The following SNORC variants were observed in gnomAD, a reference collection of about 807,000 sequenced individuals.
SNORC encodes protein SNORC.
A neutral mutation model predicts 9.7 loss-of-function variants in SNORC; 11 were observed. That is an observed-to-expected ratio of 1.14 (90% CI 0.72 to 1.88). The LOEUF (loss-of-function observed/expected upper bound fraction) is 1.88, where lower values mean the gene tolerates loss of function less well. Among genes scored for constraint, SNORC ranks in the 40% most tolerant of loss-of-function variants. The pLI is 0.00. For synonymous variants in SNORC, 108 were observed against 88.7 expected (o/e 1.22, Z -1.22); for missense variants, 197 against 173.1 (o/e 1.14, Z -0.77).
chr2:232,877,448 G>A, downstream of SNORC: 1 of 805,794 alleles, frequency 1.2e-6, no homozygotes, highest in Non-Finnish European at 1.5e-6. Flanking sequence ...CCTTTGGAGG[G>A]AAGGGTTGGA....
At chr2:232,870,824 C>T (rs567426646) in intron 1 of SNORC, among the ~76,000 whole-genome samples, 1 of 152,298 alleles carries the variant, frequency 6.6e-6, no homozygotes, top group East Asian at 1.9e-4. Context: ...GAAAAGCTTC[C>T]CTGCTGGTTT....
chr2:232,875,505 G>C, intron 1 of SNORC: 1 of 438,544 alleles, frequency 2.3e-6, no homozygotes, highest in Non-Finnish European at 4.7e-6. Context: ...GGGATGGATG[G>C]CCCAGGGTTG....
downstream of SNORC, chr2:232,877,739 C>G (rs1691331306): frequency 6.6e-6 from 1 of 152,240 alleles, no homozygotes; most frequent in South Asian, 2.1e-4. Context: ...TCCCACTCAA[C>G]CAGTCTCCCC....
Position 232,876,240 on chromosome 2 carries a change from T to G in SNORC, c.257-7T>G. The G allele has an allele frequency of 6.7e-7, 1 of 1,499,232 alleles. No individual in the cohort carries two copies. The highest frequency in any genetic ancestry group is 8.8e-7 in the Non-Finnish European group (1 of 1,130,578). The allele number at this position is 1,499,232 out of a possible 1,614,324, so 92.9% of individuals were successfully genotyped here. The stretch of plus-strand genomic sequence containing the variant: ...TAGCAGGTGACATGGTCCTCCGTCC[T>G]CCGCAGGGTCGCTGGGGCCCGGCGC... On this transcript the variant is annotated splice_region_variant and splice_polypyrimidine_tract_variant and intron_variant, in intron 2 of 2. Transcript: ENST00000331342. This position sits in a 1 kb window ranked among gnomAD's most constrained non-coding sequence, Gnocchi z 6.8.
At chr2:232,876,574 C>G (rs898513765), downstream of SNORC, 4 of 1,153,002 alleles carry the variant, frequency 3.5e-6, no homozygotes, top group African/African-American at 6.5e-5. The surrounding 1 kb of genome is among the most constrained non-coding windows in gnomAD (Gnocchi z 6.8). Flanking sequence ...GGCGCCGGGG[C>G]GTGCGTGAGC....
At chr2:232,875,496 G>C (rs1379982383) in intron 1 of SNORC, 1 of 434,232 alleles carries the variant, frequency 2.3e-6, no homozygotes. Context: ...TGGTTGCCGG[G>C]GATGGATGGC....
intron 1 of SNORC, among the ~76,000 whole-genome samples, chr2:232,872,451 G>T (rs1691062225): frequency 6.6e-6 from 1 of 152,224 alleles, no homozygotes; most frequent in Non-Finnish European, 1.5e-5. Flanking sequence ...AGGGCGGCTG[G>T]GGCCAGTGGG....
downstream of SNORC, chr2:232,877,850 G>A (rs764715029): frequency 7.9e-5 from 12 of 152,266 alleles, no homozygotes; most frequent in Non-Finnish European, 1.6e-4. Context: ...ATAACCTTGA[G>A]TAACCAAAGC....
chr2:232,875,688 GA>G (rs1043561312), intron 1 of SNORC: 7 of 558,190 alleles, frequency 1.3e-5, no homozygotes, highest in African/African-American at 3.9e-5. Flanking sequence ...TATAAGCAGA[GA>G]AGGGCTTTGT....
At chr2:232,877,185 C>A, downstream of SNORC, 1 of 985,648 alleles carries the variant, frequency 1.0e-6, no homozygotes, top group Non-Finnish European at 1.2e-6. Flanking sequence ...GCTTCCTACT[C>A]TCACCCCCAG....
At chr2:232,870,336 G>T in exon 1 of SNORC, 1 of 1,556,254 alleles carries the variant, frequency 6.4e-7, no homozygotes, top group Non-Finnish European at 8.7e-7. Context: ...CTCACTCCCG[G>T]CCAGGATGGC....
chr2:232,876,695 A>T (rs1691265407), downstream of SNORC: 7 of 992,842 alleles, frequency 7.1e-6, no homozygotes, highest in Non-Finnish European at 8.4e-6. The surrounding 1 kb of genome is among the most constrained non-coding windows in gnomAD (Gnocchi z 6.8). Flanking sequence ...AGCGCGCCGC[A>T]TGTGCGTGCC....
Position 232,876,359 on chromosome 2 carries a change from C to T in SNORC, c.*3C>T. 3 of 1,530,578 alleles carry T rather than the reference C, an allele frequency of 2.0e-6. No individual in the cohort carries two copies. Among genetic ancestry groups the T allele is most frequent in the East Asian group, 2.6e-5 (1 of 38,376 alleles). The allele number at this position is 1,530,578 out of a possible 1,614,324, so 94.8% of individuals were successfully genotyped here. On this transcript the variant is annotated 3_prime_UTR_variant, in exon 3 of 3. Transcript: ENST00000331342. The surrounding 1 kb of genome is among the most constrained non-coding windows in gnomAD (Gnocchi z 6.8). Reference sequence around the variant, plus strand: ...TGAGAAAGTTTTCTGCCTCCTGAAGCGAATAAAGGGGCCGCGCCCGGCCGC... The same window carrying T: ...TGAGAAAGTTTTCTGCCTCCTGAAGTGAATAAAGGGGCCGCGCCCGGCCGC...
At chr2:232,874,977 C>T (rs528306677) in intron 1 of SNORC, among the ~76,000 whole-genome samples, 63 of 152,342 alleles carry the variant, frequency 4.1e-4, no homozygotes, top group African/African-American at 1.5e-3. Flanking sequence ...TTGGGACATC[C>T]CCAAGCTCAT....
intron 1 of SNORC, among the ~76,000 whole-genome samples, chr2:232,871,904 G>A (rs987266137): frequency 5.3e-5 from 8 of 152,110 alleles, no homozygotes; most frequent in East Asian, 1.9e-4. Context: ...CCAGGCTGCC[G>A]GCCAGAGTTC....
chr2:232,876,603 C>A (rs199710696), downstream of SNORC: 1 of 1,099,094 alleles, frequency 9.1e-7, no homozygotes, highest in Non-Finnish European at 1.1e-6. This position sits in a 1 kb window ranked among gnomAD's most constrained non-coding sequence, Gnocchi z 6.8. Flanking sequence ...TGTCCGAGCC[C>A]GCCTGCGTGT....
In SNORC at chr2:232,876,028, C is replaced by G; in HGVS notation, c.162C>G (p.Pro54=). The G allele has an allele frequency of 6.5e-7, 1 of 1,545,884 alleles. No individual in the cohort carries two copies. Among genetic ancestry groups the G allele is most frequent in the Non-Finnish European group, 8.7e-7 (1 of 1,149,050 alleles). The change falls in exon 2 of 3, where the codon CCC becomes CCG. Residue 54 remains proline (P), a synonymous_variant. Transcript: ENST00000331342. The surrounding 1 kb of genome is among the most constrained non-coding windows in gnomAD (Gnocchi z 6.8). ...AAGGCCCCGTGGAGAGCACCAGCCC[C>G]GGCCGGGAGCCCGTGGACACCGGTC...
At chr2:232,875,879 G>T in intron 1 of SNORC, 61 bp from the exon 2 acceptor site, 1 of 1,487,818 alleles carries the variant, frequency 6.7e-7, no homozygotes, top group Non-Finnish European at 9.0e-7. Flanking sequence ...CTAGAGGTGG[G>T]GGGTGACGTC....
downstream of SNORC, chr2:232,876,426 G>T (rs529900599): frequency 1.7e-5 from 25 of 1,451,860 alleles, no homozygotes; most frequent in African/African-American, 1.5e-4. The surrounding 1 kb of genome is among the most constrained non-coding windows in gnomAD (Gnocchi z 6.8). Context: ...GTATGTCCGC[G>T]CGTGCGTGTC....
Sources: gnomAD v4.1 joint callset for allele counts (sites outside exome capture counted in the v4.1 genomes callset) on GRCh38, gnomAD v4.1.1 for gene constraint, Gnocchi (gnomAD v3.1) non-coding constraint, MANE v1.5 for transcripts, NCBI Gene and HGNC (gene_info 2026-07-23, HGNC 2026-07-21) for gene names.